MRPS27: variants seen among roughly 807,000 people sequenced by gnomAD.
The protein encoded by MRPS27 is small ribosomal subunit protein mS27.
MRPS27 carries 43 observed loss-of-function variants against 48.9 expected under a neutral mutation model. That is an observed-to-expected ratio of 0.88 (90% confidence interval 0.69 to 1.13). The LOEUF (loss-of-function observed/expected upper bound fraction) is 1.13. Among genes scored for constraint, MRPS27 ranks in the 50% most tolerant of loss-of-function variants. The probability of loss-of-function intolerance (pLI) is 0.00; values close to 1 mark genes in which losing one functional copy is unlikely to be tolerated. For synonymous variants in MRPS27, 188 were observed against 171.9 expected (o/e 1.09, Z -0.73); for missense variants, 467 against 476.3 (o/e 0.98, Z 0.18).
intron 2 of MRPS27, among the ~76,000 whole-genome samples, chr5:72,301,363 A>G (rs538652079): frequency 1.3e-5 from 2 of 152,366 alleles, no homozygotes; most frequent in East Asian, 3.8e-4. Flanking sequence ...CTACTTGCTT[A>G]CAGATGTTAA....
chr5:72,223,305 T>G (rs181569878), intron 10 of MRPS27, among the ~76,000 whole-genome samples: 28 of 152,334 alleles, frequency 1.8e-4, no homozygotes, highest in Admixed American at 1.6e-3. Context: ...AACTGGGTTT[T>G]TAGGTTATCA....
intron 5 of MRPS27, among the ~76,000 whole-genome samples, chr5:72,237,767 GT>G (rs1748238052): frequency 1.3e-5 from 2 of 151,882 alleles, no homozygotes; most frequent in Admixed American, 1.3e-4. Flanking sequence ...CCACTGCAGA[GT>G]TCTTCCTTTT....
At chr5:72,301,908 T>C (rs1750135294) in intron 2 of MRPS27, among the ~76,000 whole-genome samples, 1 of 152,196 alleles carries the variant, frequency 6.6e-6, no homozygotes, top group Non-Finnish European at 1.5e-5. Context: ...TTCTGGACTG[T>C]GGGCTTCCAC....
chr5:72,292,471 T>G (rs1269668159), intron 4 of MRPS27, among the ~76,000 whole-genome samples: 1 of 152,186 alleles, frequency 6.6e-6, no homozygotes, highest in Non-Finnish European at 1.5e-5. Context: ...CCCTTTAATG[T>G]TGAAGTCCCT....
intron 2 of MRPS27, among the ~76,000 whole-genome samples, chr5:72,309,805 G>A (rs1411309038): frequency 6.6e-6 from 1 of 152,138 alleles, no homozygotes; most frequent in East Asian, 1.9e-4. Flanking sequence ...ATCCGAACAC[G>A]CCTTGCTGTA....
At chr5:72,249,763 C>A (rs569040207) in intron 4 of MRPS27, among the ~76,000 whole-genome samples, 10 of 151,408 alleles carry the variant, frequency 6.6e-5, no homozygotes, top group African/African-American at 1.2e-4. Flanking sequence ...GGGTGGATCA[C>A]GAGGTCAGGA....
At chr5:72,255,819 A>G (rs1335231592) in intron 4 of MRPS27, among the ~76,000 whole-genome samples, 3 of 152,182 alleles carry the variant, frequency 2.0e-5, no homozygotes, top group Non-Finnish European at 4.4e-5. Context: ...TTGACTACTA[A>G]GCTGTCCTGC....
chr5:72,298,567 G>A (rs1273539622), intron 2 of MRPS27, among the ~76,000 whole-genome samples: 20 of 151,824 alleles, frequency 1.3e-4, no homozygotes, highest in Admixed American at 1.2e-3. Context: ...TTAGCCGGGC[G>A]CGGTGGCGGG....
chr5:72,257,094 C>G lies in MRPS27; in HGVS notation c.282-18966G>C, dbSNP rs557412896. Among the ~76,000 whole-genome samples the G allele has an allele frequency of 8.8e-4, 134 of 152,186 alleles. 1 individual carries two copies. Among genetic ancestry groups the G allele is most frequent in the African/African-American group, 3.2e-3 (134 of 41,530 alleles). The stretch of plus-strand genomic sequence containing the variant: ...ACCTAAGGTATCCCAGGTACCTGAA[C>G]CCTCAACTTTGATTCTCCACCCTCC... On this transcript the variant is annotated intron_variant, in intron 4 of 10. Coordinates refer to ENST00000261413, the MANE Select transcript of MRPS27 (RefSeq NM_015084.3).
chr5:72,229,446 G>C (rs545344535), intron 7 of MRPS27: 1 of 152,062 alleles, frequency 6.6e-6, no homozygotes, highest in South Asian at 2.1e-4. Flanking sequence ...CTGCAGCACA[G>C]GTAAATAAAA....
intron 4 of MRPS27, among the ~76,000 whole-genome samples, chr5:72,254,300 C>G (rs537088520): frequency 6.6e-6 from 1 of 152,270 alleles, no homozygotes; most frequent in African/African-American, 2.4e-5. Flanking sequence ...CCGGTTCACA[C>G]AAAACCTAGG....
Position 72,238,059 on chromosome 5 carries a change from T to C in MRPS27, c.351A>G (p.Leu117=). ...WTIHTWIRQC[L]KYDAQDKALY... ...GGGCTTTGTCTTGTGCATCATATTT[T>C]AGACACTGCCTAATCCAGGTGTGGA... Residue 117 remains leucine (L), a synonymous_variant, in exon 5 of 11, where the codon CTA becomes CTG. Transcript: ENST00000261413. 6.2e-7 allele frequency: 1 copy of C among 1,613,644 alleles called. No individual in the cohort carries two copies. The highest frequency in any genetic ancestry group is 8.5e-7 in the Non-Finnish European group (1 of 1,179,692).
chr5:72,304,524 T>C lies in MRPS27; in HGVS notation c.152-6822A>G, dbSNP rs541117715. On this transcript the variant is annotated intron_variant, in intron 2 of 10. Coordinates refer to ENST00000261413, the MANE Select transcript of MRPS27 (RefSeq NM_015084.3). The stretch of plus-strand genomic sequence containing the variant: ...CCAAAATAAAGCTGGTACAGTTGTA[T>C]TAATATCAGACACAATAGATTACAG... Among the ~76,000 whole-genome samples, 15 of 152,338 alleles carry C rather than the reference T, an allele frequency of 9.8e-5. 1 individual carries two copies. The South Asian group carries it at 3.1e-3, about 32-fold the overall frequency.
At chr5:72,246,776 T>G (rs576247558) in intron 4 of MRPS27, among the ~76,000 whole-genome samples, 1 of 152,206 alleles carries the variant, frequency 6.6e-6, no homozygotes, top group Non-Finnish European at 1.5e-5. Flanking sequence ...GGAATCTTGA[T>G]GTATATAGTG....
intron 4 of MRPS27, among the ~76,000 whole-genome samples, chr5:72,291,135 T>G (rs1331734913): frequency 1.3e-5 from 2 of 152,160 alleles, no homozygotes; most frequent in Non-Finnish European, 2.9e-5. Flanking sequence ...AAATTTTCAT[T>G]GTGAAGACAG....
chr5:72,276,012 G>A (rs1412483089), intron 4 of MRPS27, among the ~76,000 whole-genome samples: 2 of 150,308 alleles, frequency 1.3e-5, no homozygotes, highest in Admixed American at 6.6e-5. Flanking sequence ...GAGAAAAAAG[G>A]AGAAAAATGT....
chr5:72,230,170 C>T (rs563036469), intron 7 of MRPS27, among the ~76,000 whole-genome samples: 208 of 152,322 alleles, frequency 1.4e-3, no homozygotes, highest in African/African-American at 4.7e-3. Flanking sequence ...ACTAAGATTA[C>T]AGGCATGAGC....
At chr5:72,226,883 G>T (rs1000043765) in intron 8 of MRPS27, among the ~76,000 whole-genome samples, 1 of 152,176 alleles carries the variant, frequency 6.6e-6, no homozygotes, top group Non-Finnish European at 1.5e-5. Flanking sequence ...GGAGATGGCT[G>T]TCTGTATTCC....
At chr5:72,244,502 T>A (rs180885066) in intron 4 of MRPS27, among the ~76,000 whole-genome samples, 1 of 152,300 alleles carries the variant, frequency 6.6e-6, no homozygotes, top group Non-Finnish European at 1.5e-5. Context: ...AGGATGCATG[T>A]CACCACATTA....
Sources: gnomAD v4.1 joint callset for allele counts (sites outside exome capture counted in the v4.1 genomes callset) on GRCh38, gnomAD v4.1.1 for gene constraint, MANE v1.5 for transcripts, NCBI Gene and HGNC (gene_info 2026-07-23, HGNC 2026-07-21) for gene names.